ADORA2B: variants seen among roughly 807,000 people sequenced by gnomAD.
The protein encoded by ADORA2B is adenosine receptor A2b.
A neutral mutation model predicts 20.8 loss-of-function variants in ADORA2B; 18 were observed. The ratio of observed to expected loss-of-function variants is 0.87; its 90% CI spans 0.60 to 1.29. The LOEUF is 1.29. Among genes scored for constraint, ADORA2B ranks in the 50% most tolerant of loss-of-function variants. ADORA2B has a pLI of 0.00. For missense variants in ADORA2B, 441 were observed against 422.7 expected (o/e 1.04, Z -0.38); for synonymous variants, 179 against 178.3 (o/e 1.00, Z -0.03).
intron 1 of ADORA2B, among the ~76,000 whole-genome samples, chr17:15,964,060 G>T (rs1454119421): frequency 6.6e-6 from 1 of 152,222 alleles, no homozygotes; most frequent in Non-Finnish European, 1.5e-5. Flanking sequence ...TATCCAGTGG[G>T]CAGGCAGATG....
At chr17:15,887,977 AAAAAAAAAAAAAGAT>A in the ADORA2B span, among the ~76,000 whole-genome samples, 1 of 114,118 alleles carries the variant, frequency 8.8e-6, no homozygotes, top group Non-Finnish European at 1.8e-5. Flanking sequence ...AAAAAAAAAA[AAAAAAAAAAAAAGAT>A]AAGCAGAAGT....
Position 15,974,732 on chromosome 17 carries a change from G to T in ADORA2B, c.389G>T (p.Trp130Leu), listed in dbSNP as rs1399596013. 10 of 1,614,028 alleles carry T rather than the reference G, an allele frequency of 6.2e-6. No individual in the cohort carries two copies. The highest frequency in any genetic ancestry group is 7.6e-6 in the Non-Finnish European group (9 of 1,180,032). ...TRARGVIAVL[W>L]VLAFGIGLTP... ...GCAAGAGGGGTCATTGCTGTCCTCT[G>T]GGTCCTTGCCTTTGGCATCGGATTG... The change falls in exon 2 of 2, where the codon TGG (tryptophan) becomes TTG (leucine). Residue 130 changes from tryptophan (W) to leucine (L), a missense_variant. Transcript: ENST00000304222.
chr17:15,900,885 A>G, the ADORA2B span, among the ~76,000 whole-genome samples: 3 of 152,170 alleles, frequency 2.0e-5, no homozygotes, highest in African/African-American at 7.2e-5. Flanking sequence ...AGCCAGCCCA[A>G]TTGCAAGTGT....
the ADORA2B span, among the ~76,000 whole-genome samples, chr17:15,917,111 C>T: frequency 6.6e-6 from 1 of 152,220 alleles, no homozygotes; most frequent in Non-Finnish European, 1.5e-5. Context: ...AGTTCAAGAC[C>T]AGCCTGGGCA....
chr17:15,922,847 C>T, the ADORA2B span, among the ~76,000 whole-genome samples: 1 of 152,154 alleles, frequency 6.6e-6, no homozygotes, highest in Admixed American at 6.5e-5. Flanking sequence ...ACAGAGTGTG[C>T]TATCAGACAT....
chr17:15,933,355 T>C, the ADORA2B span, among the ~76,000 whole-genome samples: 9 of 152,232 alleles, frequency 5.9e-5, no homozygotes, highest in African/African-American at 2.2e-4. Flanking sequence ...TTTTGAGAGA[T>C]TGCATTGAAT....
chr17:15,973,453 C>G (rs77918429), intron 1 of ADORA2B, among the ~76,000 whole-genome samples: 2 of 152,200 alleles, frequency 1.3e-5, no homozygotes, highest in Non-Finnish European at 2.9e-5. Context: ...GCACTTAGAA[C>G]AGGGTTCCTC....
chr17:15,927,365 C>T, the ADORA2B span, among the ~76,000 whole-genome samples: 1 of 152,170 alleles, frequency 6.6e-6, no homozygotes, highest in Non-Finnish European at 1.5e-5. Context: ...CGCCTGTAGT[C>T]CCAGCTACTC....
chr17:15,874,465 AT>A, the ADORA2B span, among the ~76,000 whole-genome samples: 1 of 151,898 alleles, frequency 6.6e-6, no homozygotes, highest in Non-Finnish European at 1.5e-5. Context: ...AGATGGGAAG[AT>A]TATTTAAGGC....
chr17:15,878,664 C>G, the ADORA2B span, among the ~76,000 whole-genome samples: 2 of 152,124 alleles, frequency 1.3e-5, no homozygotes, highest in Admixed American at 6.5e-5. Context: ...TAATGCTGGA[C>G]ATTCTTGTTT....
chr17:15,965,413 C>T (rs1019493191), intron 1 of ADORA2B, among the ~76,000 whole-genome samples: 1 of 152,096 alleles, frequency 6.6e-6, no homozygotes. Flanking sequence ...TGGAAAGAGA[C>T]AGAAAATGCA....
At chr17:15,971,252 A>C (rs1597431711) in intron 1 of ADORA2B, among the ~76,000 whole-genome samples, 1 of 152,372 alleles carries the variant, frequency 6.6e-6, no homozygotes, top group African/African-American at 2.4e-5. Flanking sequence ...GTTATGCTGC[A>C]GGGACTAATT....
chr17:15,880,698 C>T, the ADORA2B span, among the ~76,000 whole-genome samples: 2 of 152,248 alleles, frequency 1.3e-5, no homozygotes, highest in African/African-American at 2.4e-5. Context: ...TCCACACCAG[C>T]GTTTTGTGGC....
At chr17:15,958,019 T>TC (rs1477025294) in intron 1 of ADORA2B, among the ~76,000 whole-genome samples, 2 of 151,064 alleles carry the variant, frequency 1.3e-5, no homozygotes, top group Non-Finnish European at 3.0e-5. Context: ...GTACACTTCC[T>TC]TTTTTTTTTT....
chr17:15,922,468 C>T, the ADORA2B span, among the ~76,000 whole-genome samples: 1 of 152,032 alleles, frequency 6.6e-6, no homozygotes, highest in Non-Finnish European at 1.5e-5. Context: ...TTATCTAGTC[C>T]CCTATGATTA....
chr17:15,864,984 G>A, the ADORA2B span, among the ~76,000 whole-genome samples: 1 of 151,172 alleles, frequency 6.6e-6, no homozygotes, highest in South Asian at 2.1e-4. Context: ...TCCACCCAAG[G>A]AGACAGCTTT....
chr17:15,852,401 C>T, the ADORA2B span, among the ~76,000 whole-genome samples: 1 of 152,046 alleles, frequency 6.6e-6, no homozygotes, highest in South Asian at 2.1e-4. Flanking sequence ...GACTTCTGGA[C>T]TCAGAAATAA....
At chr17:15,958,391 C>A (rs1434586329) in intron 1 of ADORA2B, among the ~76,000 whole-genome samples, 1 of 152,222 alleles carries the variant, frequency 6.6e-6, no homozygotes, top group Non-Finnish European at 1.5e-5. Context: ...CATTCCAGGG[C>A]AGCATTCTCC....
At position 15,945,368 on chromosome 17, in the gene ADORA2B, G is replaced by T; in HGVS notation, c.120G>T (p.Thr40=). ...TGGGCACGGCGAACACTCTGCAGAC[G>T]CCCACCAACTACTTCCTGGTGTCCC... is the stretch of plus-strand genomic sequence containing the variant. ...AAVGTANTLQ[T]PTNYFLVSLA... is the part of the protein sequence containing the mutation. The change falls in exon 1 of 2, where the codon ACG becomes ACT. Residue 40 remains threonine (T), a synonymous_variant. Transcript: ENST00000304222. 6.2e-7 allele frequency: 1 copy of T among 1,611,862 alleles called. No individual in the cohort carries two copies.
Sources: allele counts gnomAD v4.1 joint callset (sites outside exome capture counted in the v4.1 genomes callset), GRCh38; gene constraint gnomAD v4.1.1; transcripts MANE v1.5; gene names NCBI Gene and HGNC (gene_info 2026-07-23, HGNC 2026-07-21).